COLEC11: variants seen among roughly 807,000 people sequenced by gnomAD.
COLEC11 encodes collectin subfamily member 11.
A neutral mutation model predicts 27.3 loss-of-function variants in COLEC11; 20 were observed. The observed-to-expected ratio is 0.73, with a 90% CI of 0.51 to 1.06. COLEC11 has a LOEUF of 1.06. Among genes scored for constraint, COLEC11 ranks in the 50% least tolerant of loss-of-function variants. COLEC11 has a pLI of 0.00. For synonymous variants in COLEC11, 163 were observed against 154.7 expected, an observed-to-expected ratio of 1.05 and a Z score of -0.40; for missense variants, 310 against 383.0, an observed-to-expected ratio of 0.81 and a Z score of 1.59.
intron 3 of COLEC11, among the ~76,000 whole-genome samples, chr2:3,636,117 G>T (rs1331260551): frequency 1.3e-5 from 2 of 152,242 alleles, no homozygotes; most frequent in African/African-American, 4.8e-5. Flanking sequence ...GGAGGCAGGT[G>T]GCGTCACTGC....
chr2:3,613,372 G>T lies in COLEC11; in HGVS notation c.192G>T (p.Thr64=). The T allele has an allele frequency of 6.3e-7, 1 of 1,599,610 alleles. No homozygotes were observed. The highest frequency in any genetic ancestry group is 2.3e-5 in the East Asian group (1 of 44,338). ...GACGGCCTGGAAGAGTCGGCCCCAC[G>T]GGAGAAAAAGGTACCTGCAGCCCTG... ...APGRPGRVGP[T]GEKGDMGDKG... Residue 64 remains threonine, a synonymous_variant, in exon 3 of 7, where the codon ACG becomes ACT. Transcript: ENST00000349077.
intron 3 of COLEC11, among the ~76,000 whole-genome samples, chr2:3,622,348 C>T (rs1664245412): frequency 6.6e-6 from 1 of 152,010 alleles, no homozygotes; most frequent in Admixed American, 6.6e-5. Context: ...CAAACAACAA[C>T]AACAAATTAT....
intron 3 of COLEC11, among the ~76,000 whole-genome samples, chr2:3,631,830 T>C (rs1665026939): frequency 3.3e-5 from 5 of 152,028 alleles, no homozygotes; most frequent in Admixed American, 3.3e-4. Flanking sequence ...GGCTTGGGAG[T>C]AGGGCACTGC....
intron 3 of COLEC11, among the ~76,000 whole-genome samples, chr2:3,635,430 A>G (rs1014168197): frequency 1.3e-5 from 2 of 152,122 alleles, no homozygotes; most frequent in African/African-American, 2.4e-5. Flanking sequence ...CCTGAACACA[A>G]GTCTGATCTC....
At chr2:3,625,994 A>C in intron 3 of COLEC11, 1 of 1,604,358 alleles carries the variant, frequency 6.2e-7, no homozygotes, top group South Asian at 1.1e-5. Context: ...TAGTCATAAC[A>C]TTGTATTTAC....
chr2:3,631,685 C>T (rs908651574), intron 3 of COLEC11, among the ~76,000 whole-genome samples: 1 of 151,900 alleles, frequency 6.6e-6, no homozygotes, highest in East Asian at 1.9e-4. Context: ...CTCGGAGGGG[C>T]CCCTGCTCGG....
intron 1 of COLEC11, among the ~76,000 whole-genome samples, chr2:3,599,173 G>A (rs1218512655): frequency 6.6e-6 from 1 of 152,154 alleles, no homozygotes; most frequent in Non-Finnish European, 1.5e-5. Context: ...CATCTGTGAC[G>A]AGTGCGTGAT....
rs767176074 is a variant in COLEC11, at chr2:3,644,141, T to C, written c.*23T>C. The stretch of plus-strand genomic sequence containing the variant: ...TGAGCCTCAGGCTGGGGCTGCCCAT[T>C]GGGGGCCCCACATGTCCCTGCAGGG... On this transcript the variant is annotated 3_prime_UTR_variant, in exon 7 of 7. Coordinates refer to ENST00000349077, the MANE Select transcript of COLEC11 (RefSeq NM_024027.5). The C allele has an allele frequency of 1.2e-6, 2 of 1,603,832 alleles. No individual in the cohort carries two copies. Among genetic ancestry groups the C allele is most frequent in the African/African-American group, 2.7e-5 (2 of 74,958 alleles).
At chr2:3,619,198 C>T (rs1383930357) in intron 3 of COLEC11, among the ~76,000 whole-genome samples, 2 of 151,016 alleles carry the variant, frequency 1.3e-5, no homozygotes, top group East Asian at 3.9e-4. Flanking sequence ...CTTTCTCTTC[C>T]TTTCTTTCTC....
chr2:3,640,339 A>G lies in COLEC11; in HGVS notation c.328+8A>G. 2 of 1,512,664 alleles carry G rather than the reference A, an allele frequency of 1.3e-6. No individual in the cohort carries two copies. The highest frequency in any genetic ancestry group is 1.4e-5 in the African/African-American group (1 of 73,042). 93.7% of individuals were successfully genotyped at this position (1,512,664 alleles called of 1,614,324 possible). A position where few individuals can be genotyped will look rare whatever the true frequency, so the allele number is the denominator to read the frequency against. ...GTCCTAATGGAGAACCAGGTATGGCATAAAGGGTCCAAGGATTTTTAATAA... is the reference window on the plus strand; with the variant it reads ...GTCCTAATGGAGAACCAGGTATGGCGTAAAGGGTCCAAGGATTTTTAATAA... On this transcript the variant is annotated splice_region_variant and intron_variant, in intron 5 of 6. Transcript: ENST00000349077.
At chr2:3,640,086 G>GT (rs1665736485) in intron 4 of COLEC11, among the ~76,000 whole-genome samples, 192 bp from the exon 5 acceptor site, 1 of 152,202 alleles carries the variant, frequency 6.6e-6, no homozygotes. Context: ...CCCATGACAT[G>GT]TATATGGTTC....
At chr2:3,640,981 G>T (rs1478541926) in intron 5 of COLEC11, among the ~76,000 whole-genome samples, 2 of 137,570 alleles carry the variant, frequency 1.5e-5, no homozygotes, top group African/African-American at 2.8e-5. Context: ...AGACCCCACG[G>T]TGGACACCCA....
intron 2 of COLEC11, among the ~76,000 whole-genome samples, chr2:3,612,220 ACG>A (rs1249743968): frequency 1.7e-5 from 2 of 114,894 alleles, no homozygotes; most frequent in African/African-American, 6.4e-5. Context: ...ATGCGGACAC[ACG>A]CACACACATG....
At position 3,608,495 on chromosome 2, in the gene COLEC11, A is replaced by G. The variant is rs74769925; in HGVS notation, c.130+4025A>G. Among the ~76,000 whole-genome samples, 513 of 152,190 alleles carry G rather than the reference A, an allele frequency of 3.4e-3. 6 individuals are homozygous for G. Among genetic ancestry groups the G allele is most frequent in the Admixed American group, 5.4e-3 (82 of 15,284 alleles). ...ACCTGCAGGGACATACATCTTTATGACCCCTGGGACCAGTGGACAATGAAC... is the reference window on the plus strand; with the variant it reads ...ACCTGCAGGGACATACATCTTTATGGCCCCTGGGACCAGTGGACAATGAAC... On this transcript the variant is annotated intron_variant, in intron 2 of 6. Transcript: ENST00000349077.
chr2:3,633,466 C>T (rs370194323), intron 3 of COLEC11, among the ~76,000 whole-genome samples: 167 of 152,354 alleles, frequency 1.1e-3, no homozygotes, highest in African/African-American at 3.9e-3. Context: ...GAGTAGAGCT[C>T]AGCTCCTGCC....
chr2:3,643,311 G>T, intron 5 of COLEC11, 133 bp from the exon 6 acceptor site: 1 of 751,520 alleles, frequency 1.3e-6, no homozygotes, highest in South Asian at 1.4e-5. Context: ...GTGGGTGATG[G>T]TTATTGCGGC....
intron 3 of COLEC11, among the ~76,000 whole-genome samples, chr2:3,633,358 G>C (rs569225621): frequency 3.9e-5 from 6 of 152,244 alleles, no homozygotes; most frequent in Non-Finnish European, 8.8e-5. Flanking sequence ...ACCTGAGAGT[G>C]AGTTGAGAGC....
chr2:3,627,398 CTGGGCACGACGA>C (rs1488969044), intron 3 of COLEC11, among the ~76,000 whole-genome samples: 8 of 145,428 alleles, frequency 5.5e-5, no homozygotes, highest in African/African-American at 2.1e-4. Context: ...GGGCACAACG[CTGGGCACGACGA>C]TGGGCACAAC....
chr2:3,616,129 G>T (rs1663703169), intron 3 of COLEC11, among the ~76,000 whole-genome samples: 1 of 151,146 alleles, frequency 6.6e-6, no homozygotes. Context: ...CGGGGTCGTG[G>T]CTGGGCAGAG....
Sources: gnomAD v4.1 joint callset for allele counts (sites outside exome capture counted in the v4.1 genomes callset) on GRCh38, gnomAD v4.1.1 for gene constraint, MANE v1.5 for transcripts, NCBI Gene and HGNC (gene_info 2026-07-23, HGNC 2026-07-21) for gene names.